Variants in PRR16 observed in about 807,000 individuals in gnomAD.
The protein encoded by PRR16 is proline rich 16, also known as protein Largen.
In PRR16, 6 loss-of-function variants were observed where a neutral mutation model predicts 18.2. The ratio of observed to expected loss-of-function variants is 0.33; its 90% confidence interval spans 0.18 to 0.65. The LOEUF (loss-of-function observed/expected upper bound fraction) is 0.65, where lower values mean the gene tolerates loss of function less well. Ranked by LOEUF, PRR16 falls within the 30% of genes least tolerant of loss-of-function variation. The pLI, the probability that PRR16 is intolerant of heterozygous loss-of-function variation, is 0.74. For missense variants in PRR16, 412 were observed against 376.6 expected (o/e 1.09, Z -0.78); for synonymous variants, 151 against 147.8 (o/e 1.02, Z -0.16).
the PRR16 span, among the ~76,000 whole-genome samples, chr5:120,771,172 G>A: frequency 6.6e-6 from 1 of 151,928 alleles, no homozygotes; most frequent in Non-Finnish European, 1.5e-5. Context: ...GATAATACAT[G>A]AACCATCTTT....
Position 120,637,643 on chromosome 5 carries a change from G to GT in PRR16, c.160-48311_160-48310insT, listed in dbSNP as rs546464775. On this transcript the variant is annotated intron_variant, in intron 1 of 1. Coordinates refer to ENST00000407149, the MANE Select transcript of PRR16 (RefSeq NM_001300783.2). ...ATGATACATTGGACTTTGGGGATTTGGGGGGAAGGGTGAGGGATGGCAAGA... is the reference window on the plus strand; with the variant it reads ...ATGATACATTGGACTTTGGGGATTTGTGGGGGAAGGGTGAGGGATGGCAAGA... Among the ~76,000 whole-genome samples, 19 of 17,910 alleles carry GT rather than the reference G, an allele frequency of 1.1e-3. No homozygotes were observed. In the East Asian group the frequency reaches 0.068, roughly 64 times the overall value. 11.7% of individuals were successfully genotyped at this position (17,910 alleles called of 152,430 possible).
the PRR16 span, among the ~76,000 whole-genome samples, chr5:120,708,039 A>G: frequency 6.6e-6 from 1 of 152,372 alleles, no homozygotes; most frequent in Admixed American, 6.5e-5. Context: ...GGATCAGTGT[A>G]CATGAAAAGA....
chr5:120,630,955 AG>A (rs1755032007), intron 1 of PRR16, among the ~76,000 whole-genome samples: 1 of 152,208 alleles, frequency 6.6e-6, no homozygotes, highest in African/African-American at 2.4e-5. Flanking sequence ...TAAGTCTCCC[AG>A]AATACTAAAT....
intron 1 of PRR16, among the ~76,000 whole-genome samples, chr5:120,502,974 C>T (rs148811775): frequency 1.2e-3 from 187 of 152,142 alleles, no homozygotes; most frequent in African/African-American, 4.3e-3. Context: ...TATTCTTTCA[C>T]CTAAAAAAAG....
chr5:120,527,314 C>T (rs1751405691), intron 1 of PRR16, among the ~76,000 whole-genome samples: 1 of 152,056 alleles, frequency 6.6e-6, no homozygotes, highest in Admixed American at 6.6e-5. Context: ...TAGTGTTTTC[C>T]TTAATTATTG....
chr5:120,662,763 A>G (rs973306965), intron 1 of PRR16, among the ~76,000 whole-genome samples: 9 of 152,098 alleles, frequency 5.9e-5, no homozygotes, highest in African/African-American at 1.9e-4. Flanking sequence ...AAGATTGATG[A>G]TCCTCCTAGG....
intron 1 of PRR16, among the ~76,000 whole-genome samples, chr5:120,585,450 A>C (rs1223663362): frequency 6.6e-6 from 1 of 152,002 alleles, no homozygotes. Flanking sequence ...CTTCTACTAA[A>C]AATATAAAAA....
At chr5:120,677,360 C>G (rs1756832098) in intron 1 of PRR16, among the ~76,000 whole-genome samples, 1 of 152,178 alleles carries the variant, frequency 6.6e-6, no homozygotes, top group Non-Finnish European at 1.5e-5. Context: ...GGGTATGTCA[C>G]TTGCTATCCT....
chr5:120,715,244 A>G, the PRR16 span, among the ~76,000 whole-genome samples: 5 of 152,336 alleles, frequency 3.3e-5, no homozygotes, highest in Non-Finnish European at 7.3e-5. Context: ...GACAGTATAA[A>G]AAATAAATTT....
At chr5:120,598,936 A>G (rs1753898260) in intron 1 of PRR16, among the ~76,000 whole-genome samples, 1 of 151,720 alleles carries the variant, frequency 6.6e-6, no homozygotes, top group Non-Finnish European at 1.5e-5. Context: ...CATCTTTTTA[A>G]TTAATCTTAA....
chr5:120,596,534 C>T (rs1345679871), intron 1 of PRR16, among the ~76,000 whole-genome samples: 1 of 151,558 alleles, frequency 6.6e-6, no homozygotes, highest in African/African-American at 2.4e-5. Context: ...AATATGTCAA[C>T]CATATGAAAA....
the PRR16 span, among the ~76,000 whole-genome samples, chr5:120,697,624 C>G: frequency 6.6e-6 from 1 of 151,608 alleles, no homozygotes; most frequent in Non-Finnish European, 1.5e-5. Context: ...TGGGTGCAGG[C>G]GGGCTGAGTC....
At chr5:120,695,529 C>T in the PRR16 span, among the ~76,000 whole-genome samples, 2 of 152,104 alleles carry the variant, frequency 1.3e-5, no homozygotes, top group African/African-American at 4.8e-5. Context: ...TTGCATTTCC[C>T]ACCTGCCTGC....
chr5:120,505,694 A>C (rs1419878395), intron 1 of PRR16, among the ~76,000 whole-genome samples: 6 of 152,060 alleles, frequency 3.9e-5, no homozygotes, highest in African/African-American at 1.4e-4. Context: ...AGTTTTAAAC[A>C]GTTCAGAACC....
chr5:120,654,711 T>C (rs762620368), intron 1 of PRR16, among the ~76,000 whole-genome samples: 12 of 151,918 alleles, frequency 7.9e-5, no homozygotes, highest in South Asian at 2.1e-4. Flanking sequence ...AGAATATGAT[T>C]CTATGAAAAT....
intron 1 of PRR16, among the ~76,000 whole-genome samples, chr5:120,487,573 T>C (rs929866124): frequency 6.6e-6 from 1 of 152,148 alleles, no homozygotes; most frequent in Non-Finnish European, 1.5e-5. Context: ...TTTCTAGATA[T>C]ACAATCATGT....
chr5:120,704,840 T>C, the PRR16 span, among the ~76,000 whole-genome samples: 4 of 152,208 alleles, frequency 2.6e-5, no homozygotes, highest in Non-Finnish European at 4.4e-5. Flanking sequence ...TCAGTACTTA[T>C]GAAGCCTATT....
At chr5:120,723,562 G>A in the PRR16 span, among the ~76,000 whole-genome samples, 2 of 152,016 alleles carry the variant, frequency 1.3e-5, no homozygotes, top group South Asian at 4.1e-4. Flanking sequence ...AAATGTGCTG[G>A]TACTTGTATT....
intron 1 of PRR16, among the ~76,000 whole-genome samples, chr5:120,474,467 C>G (rs1749372221): frequency 6.6e-6 from 1 of 152,126 alleles, no homozygotes; most frequent in South Asian, 2.1e-4. Context: ...AACTACTGCT[C>G]TTGCTCTTCC....
Sources: gnomAD v4.1 joint callset for allele counts (sites outside exome capture counted in the v4.1 genomes callset) on GRCh38, gnomAD v4.1.1 for gene constraint, MANE v1.5 for transcripts, NCBI Gene and HGNC (gene_info 2026-07-23, HGNC 2026-07-21) for gene names.